The following HACE1 variants were observed in gnomAD, a reference collection of about 807,000 sequenced individuals.
HACE1 encodes the protein HECT domain and ankyrin repeat containing E3 ubiquitin protein ligase 1.
A neutral mutation model predicts 118.4 loss-of-function variants in HACE1; 73 were observed. The ratio of observed to expected loss-of-function variants is 0.62; its 90% CI spans 0.51 to 0.75. The LOEUF is 0.75. Among genes scored for constraint, HACE1 ranks in the 30% least tolerant of loss-of-function variants. The pLI, the probability that HACE1 is intolerant of heterozygous loss-of-function variation, is 0.00. For missense variants in HACE1, 749 were observed against 1,102.2 expected, an observed-to-expected ratio of 0.68 and a Z score of 4.54; for synonymous variants, 368 against 374.8, an observed-to-expected ratio of 0.98 and a Z score of 0.21.
intron 4 of HACE1, among the ~76,000 whole-genome samples, chr6:104,847,695 C>T (rs1582764855): frequency 1.3e-5 from 2 of 151,936 alleles, no homozygotes; most frequent in African/African-American, 4.8e-5. Context: ...ATTAGGCAGC[C>T]AACTCAAATA....
At chr6:104,851,371 C>A (rs1259919918) in intron 2 of HACE1, among the ~76,000 whole-genome samples, 2 of 152,176 alleles carry the variant, frequency 1.3e-5, no homozygotes, top group East Asian at 3.8e-4. Context: ...CGTGAGCCAC[C>A]CCACCCGGCC....
chr6:104,751,142 A>G lies in HACE1; in HGVS notation c.2212-670T>C, dbSNP rs1181314805. On this transcript the variant is annotated intron_variant, in intron 19 of 23. Transcript: ENST00000262903. ...GCTTTCTGGCTATTCCCAAAACACA[A>G]GCTTGTCCGGGCCCCAATGTGTTTA... Among the ~76,000 whole-genome samples the G allele has an allele frequency of 2.0e-5, 3 of 152,240 alleles. No homozygotes were observed. In the East Asian group the frequency reaches 5.8e-4, roughly 29 times the overall value.
intron 6 of HACE1, among the ~76,000 whole-genome samples, chr6:104,825,199 C>T (rs1157119049): frequency 6.6e-6 from 1 of 152,078 alleles, no homozygotes; most frequent in African/African-American, 2.4e-5. Context: ...GTCAGGGAAC[C>T]TAAGGCCACT....
chr6:104,811,485 C>T (rs1041269984), intron 6 of HACE1, 92 bp from the exon 7 acceptor site: 4 of 668,386 alleles, frequency 6.0e-6, no homozygotes, highest in South Asian at 2.7e-5. Flanking sequence ...GGAAGTTCTT[C>T]CCACAACTTG....
chr6:104,816,727 C>G (rs767117543), intron 6 of HACE1, among the ~76,000 whole-genome samples: 1 of 152,110 alleles, frequency 6.6e-6, no homozygotes, highest in African/African-American at 2.4e-5. Flanking sequence ...ATAGGAGACC[C>G]ACTGACAGCT....
chr6:104,859,543 G>C lies in HACE1; in HGVS notation c.76+24C>G, dbSNP rs1244057608. 8 of 1,504,058 alleles carry C rather than the reference G, an allele frequency of 5.3e-6. No homozygotes were observed. In the South Asian group the frequency reaches 8.6e-5, roughly 16 times the overall value. The allele number at this position is 1,504,058 out of a possible 1,614,324, so 93.2% of individuals were successfully genotyped here. A position where few individuals can be genotyped will look rare whatever the true frequency, so the allele number is the denominator to read the frequency against. ...CTGGCCGCCCCCAGCCCCGCGGCCA[G>C]CCTGGCCCCGCGACCCGGCTCACCC... On this transcript the variant is annotated intron_variant, in intron 1 of 23. Transcript: ENST00000262903.
At chr6:104,792,948 C>T (rs1460426211) in intron 10 of HACE1, among the ~76,000 whole-genome samples, 1 of 152,154 alleles carries the variant, frequency 6.6e-6, no homozygotes, top group Non-Finnish European at 1.5e-5. Flanking sequence ...GCACGGAGCT[C>T]TCTTCTTCCC....
chr6:104,778,857 T>G (rs1001638565), intron 14 of HACE1, among the ~76,000 whole-genome samples: 2 of 151,768 alleles, frequency 1.3e-5, no homozygotes, highest in Non-Finnish European at 2.9e-5. Context: ...AACTTATGAA[T>G]AGAAATAACT....
At chr6:104,772,571 G>C (rs1236931308) in intron 17 of HACE1, among the ~76,000 whole-genome samples, 1 of 152,158 alleles carries the variant, frequency 6.6e-6, no homozygotes, top group African/African-American at 2.4e-5. Context: ...AACTGTAAAT[G>C]TACAACTGCT....
intron 5 of HACE1, among the ~76,000 whole-genome samples, chr6:104,836,036 GCA>G (rs1491198693): frequency 2.0e-5 from 3 of 152,154 alleles, no homozygotes; most frequent in African/African-American, 7.2e-5. Flanking sequence ...CATCTCCCAT[GCA>G]CACTCTCAGG....
At chr6:104,738,104 G>A (rs991062254) in intron 22 of HACE1, among the ~76,000 whole-genome samples, 19 of 151,566 alleles carry the variant, frequency 1.3e-4, no homozygotes, top group Non-Finnish European at 2.5e-4. Context: ...TGCAGCTGAG[G>A]GTCCTGTCTG....
intron 6 of HACE1, among the ~76,000 whole-genome samples, chr6:104,812,907 C>G (rs1332182696): frequency 6.6e-6 from 1 of 152,188 alleles, no homozygotes; most frequent in African/African-American, 2.4e-5. Context: ...CAGTTAGTTA[C>G]TATCCCTCTT....
chr6:104,829,509 T>C (rs944742836), intron 6 of HACE1, among the ~76,000 whole-genome samples: 2 of 152,078 alleles, frequency 1.3e-5, no homozygotes, highest in African/African-American at 4.8e-5. Context: ...CTTGTCCTAA[T>C]TGAAAAAGGA....
chr6:104,765,096 G>T (rs1779837781), intron 19 of HACE1, among the ~76,000 whole-genome samples: 1 of 152,150 alleles, frequency 6.6e-6, no homozygotes, highest in African/African-American at 2.4e-5. Context: ...CAGTCACATG[G>T]CTGAATTAAT....
chr6:104,833,274 C>G, intron 5 of HACE1, 101 bp from the exon 6 acceptor site: 1 of 1,052,610 alleles, frequency 9.5e-7, no homozygotes, highest in Non-Finnish European at 1.5e-6. Flanking sequence ...TTTGCACATG[C>G]AAATCTAAAG....
Position 104,791,496 on chromosome 6 carries a change from T to C in HACE1, c.1074+8A>G. ...TATCTTCCTAACAATGCCATATACT[T>C]TTCTCACCTTGAACACCTGGCTTCT... On this transcript the variant is annotated splice_region_variant and intron_variant, in intron 11 of 23. Transcript: ENST00000262903. The C allele has an allele frequency of 6.2e-7, 1 of 1,608,052 alleles. No homozygotes were observed. The highest frequency in any genetic ancestry group is 8.5e-7 in the Non-Finnish European group (1 of 1,174,610).
chr6:104,829,747 C>T (rs778088090), intron 6 of HACE1, among the ~76,000 whole-genome samples: 21 of 152,168 alleles, frequency 1.4e-4, no homozygotes, highest in Non-Finnish European at 2.5e-4. Flanking sequence ...CCCTCCTCCT[C>T]TACTCTGTCT....
At chr6:104,838,320 A>C (rs1582720518) in intron 5 of HACE1, among the ~76,000 whole-genome samples, 1 of 152,194 alleles carries the variant, frequency 6.6e-6, no homozygotes, top group African/African-American at 2.4e-5. Context: ...CTACAGAGCT[A>C]TAGTAACCAA....
At chr6:104,849,752 CA>C (rs768880347) in intron 3 of HACE1, among the ~76,000 whole-genome samples, 1 of 150,132 alleles carries the variant, frequency 6.7e-6, no homozygotes, top group Non-Finnish European at 1.5e-5. Flanking sequence ...GGGTTCACGC[CA>C]TTCTCCTGCC....
Sources: allele counts gnomAD v4.1 joint callset (sites outside exome capture counted in the v4.1 genomes callset), GRCh38; gene constraint gnomAD v4.1.1; transcripts MANE v1.5; gene names NCBI Gene and HGNC (gene_info 2026-07-23, HGNC 2026-07-21).